Variants in SF3B3 observed in about 807,000 individuals in gnomAD.
SF3B3 encodes splicing factor 3b subunit 3.
A neutral mutation model predicts 139.2 loss-of-function variants in SF3B3; 33 were observed. The ratio of observed to expected loss-of-function variants is 0.24; its 90% CI spans 0.18 to 0.32. SF3B3 has a LOEUF of 0.32. Ranked by LOEUF, SF3B3 falls within the 10% of genes least tolerant of loss-of-function variation. The pLI is 1.00. For missense variants in SF3B3, 818 were observed against 1,509.4 expected (o/e 0.54, Z 7.59); for synonymous variants, 596 against 563.6 (o/e 1.06, Z -0.81).
At chr16:70,527,969 GT>G (rs2050080803) in intron 2 of SF3B3, among the ~76,000 whole-genome samples, 1 of 151,806 alleles carries the variant, frequency 6.6e-6, no homozygotes, top group African/African-American at 2.4e-5. Flanking sequence ...TAGAGATGAG[GT>G]TTCACCATAT....
intron 5 of SF3B3, 72 bp from the exon 6 acceptor site, chr16:70,535,232 AAGAG>A: frequency 3.0e-6 from 2 of 666,706 alleles, no homozygotes; most frequent in Non-Finnish European, 5.2e-6. Context: ...GTTGTGCTGA[AAGAG>A]AGGAGGAGTT....
chr16:70,541,117 G>T (rs561214373), intron 8 of SF3B3, among the ~76,000 whole-genome samples: 49 of 152,344 alleles, frequency 3.2e-4, no homozygotes, highest in Admixed American at 9.2e-4. Flanking sequence ...TTCCACGTTT[G>T]TGATTATAGC....
chr16:70,571,189 T>A lies in SF3B3; in HGVS notation c.3503T>A (p.Phe1168Tyr). The change falls in exon 25 of 26, where the codon TTC becomes TAC. Residue 1168 changes from phenylalanine (F) to tyrosine (Y), a missense_variant. By Grantham distance (22) the Phe-to-Tyr change is conservative. This residue lies in a region of SF3B3 where 44 missense variants were observed against 40.4 expected (regional missense o/e 1.09). Coordinates refer to ENST00000302516, the MANE Select transcript of SF3B3 (RefSeq NM_012426.5). Reference protein sequence around the residue: ...RDHLSFRSYYFPVKNVIDGDL... With the variant: ...RDHLSFRSYYYPVKNVIDGDL... ...CACCTCAGCTTTCGCTCCTACTACT[T>A]CCCTGTGAAGGTAGGTTGGGGGAAT... The A allele has an allele frequency of 6.2e-7, 1 of 1,608,724 alleles. No homozygotes were observed. Among genetic ancestry groups the A allele is most frequent in the Non-Finnish European group, 8.5e-7 (1 of 1,175,176 alleles).
intron 20 of SF3B3, among the ~76,000 whole-genome samples, chr16:70,566,683 A>AT (rs2050480232): frequency 6.6e-6 from 1 of 152,200 alleles, no homozygotes; most frequent in African/African-American, 2.4e-5. Context: ...CAACCCTACC[A>AT]TAAGGGGAGT....
chr16:70,533,550 G>A (rs1462269704), intron 5 of SF3B3, among the ~76,000 whole-genome samples: 2 of 152,094 alleles, frequency 1.3e-5, no homozygotes, highest in South Asian at 2.1e-4. Context: ...GCTAAGTAAC[G>A]TTTTTGGAGG....
Position 70,571,871 on chromosome 16 carries a change from A to C in SF3B3, c.*58A>C. 6.4e-7 allele frequency: 1 copy of C among 1,553,262 alleles called. No homozygotes were observed. The highest frequency in any genetic ancestry group is 8.7e-7 in the Non-Finnish European group (1 of 1,150,066). On this transcript the variant is annotated 3_prime_UTR_variant, in exon 26 of 26. Transcript: ENST00000302516. ...TGTGTGTTTTGTTTCCCCCACCACC[A>C]TCACTGCCACCTGGCTTCTGCCATG...
intron 3 of SF3B3, among the ~76,000 whole-genome samples, chr16:70,530,127 A>AAAATAAATAAATAAATAAATAAAT (rs148897352): frequency 7.5e-6 from 1 of 133,072 alleles, no homozygotes; most frequent in Non-Finnish European, 1.6e-5. Flanking sequence ...CTGCATCTCA[A>AAAATAAATAAATAAATAAATAAAT]AAATAAATAA....
At chr16:70,536,025 C>T (rs1459028061) in intron 6 of SF3B3, among the ~76,000 whole-genome samples, 1 of 152,122 alleles carries the variant, frequency 6.6e-6, no homozygotes, top group African/African-American at 2.4e-5. Context: ...TTGCCAATAT[C>T]ATACCCAAGA....
At chr16:70,554,987 G>C (rs1232292931) in intron 12 of SF3B3, 64 bp from the exon 13 acceptor site, 1 of 1,495,828 alleles carries the variant, frequency 6.7e-7, no homozygotes, top group East Asian at 2.3e-5. Flanking sequence ...TGATAGATGT[G>C]AGGGTCATTC....
intron 10 of SF3B3, 65 bp downstream of exon 10, chr16:70,544,598 G>A: frequency 1.1e-6 from 1 of 898,508 alleles, no homozygotes; most frequent in South Asian, 1.4e-5. Flanking sequence ...GTAGTTTATG[G>A]GTTTACTCTG....
intron 8 of SF3B3, among the ~76,000 whole-genome samples, chr16:70,540,246 GAGCTGGTCTCAAACCAGCTGGCCA>G (rs1006596027): frequency 2.0e-5 from 3 of 151,198 alleles, no homozygotes; most frequent in Non-Finnish European, 4.4e-5. Context: ...AGTACAAAAT[GAGCTGGTCTCAAACCAGCTGGCCA>G]AGCTGGTCTC....
chr16:70,569,985 T>C (rs1037777398), intron 23 of SF3B3, 21 bp from the exon 24 acceptor site: 1 of 1,613,464 alleles, frequency 6.2e-7, no homozygotes, highest in Non-Finnish European at 8.5e-7. Flanking sequence ...ACACAGTCAC[T>C]AGTCTGTTTG....
Position 70,539,274 on chromosome 16 carries a change from G to A in SF3B3, c.1067+67G>A, listed in dbSNP as rs1002955610. ...TAAAAGTTGGCAGCAGAAGCTGGGT[G>A]CAGTGGCTCACGGCCATAATCCTAG... On this transcript the variant is annotated intron_variant, in intron 8 of 25. Transcript: ENST00000302516. 3.6e-6 allele frequency: 4 copies of A among 1,120,428 alleles called. No individual in the cohort carries two copies. The African/African-American group carries it at 4.6e-5, about 13-fold the overall frequency. The allele number at this position is 1,120,428 out of a possible 1,614,324, so 69.4% of individuals were successfully genotyped here. A position where few individuals can be genotyped will look rare whatever the true frequency, so the allele number is the denominator to read the frequency against.
At chr16:70,532,935 C>G (rs997354406) in intron 5 of SF3B3, among the ~76,000 whole-genome samples, 2 of 152,186 alleles carry the variant, frequency 1.3e-5, no homozygotes, top group African/African-American at 4.8e-5. Flanking sequence ...GCCTCTCATT[C>G]AAACCTAACT....
intron 11 of SF3B3, among the ~76,000 whole-genome samples, chr16:70,551,301 C>G (rs2050322723): frequency 6.6e-6 from 1 of 152,150 alleles, no homozygotes; most frequent in African/African-American, 2.4e-5. Context: ...GAGGTATGAA[C>G]TATTGTTTTT....
intron 17 of SF3B3, 117 bp from the exon 18 acceptor site, chr16:70,563,759 A>G (rs779026168): frequency 2.2e-6 from 2 of 924,118 alleles, no homozygotes; most frequent in Non-Finnish European, 3.4e-6. Context: ...AATGTTGCCT[A>G]ATGCCAACGT....
Position 70,575,022 on chromosome 16 carries a change from A to G in SF3B3, c.*3209A>G, listed in dbSNP as rs2050564201. On this transcript the variant is annotated 3_prime_UTR_variant, in exon 26 of 26. Transcript: ENST00000302516. ...GATGGCTCTCGAGGACAAGATAGGG[A>G]CTCTTAAAACACCTGCTTGGCCATG... 1 of 151,882 alleles carries G rather than the reference A, an allele frequency of 6.6e-6. No individual in the cohort carries two copies. The highest frequency in any genetic ancestry group is 6.6e-5 in the Admixed American group (1 of 15,234). The allele number at this position is 151,882 out of a possible 1,614,324, so 9.4% of individuals were successfully genotyped here.
At position 70,573,707 on chromosome 16, in the gene SF3B3, C is replaced by T. The variant is rs951850678; in HGVS notation, c.*1894C>T. ...GACTCCTGTGGTTTGATTGAGCAAC[C>T]AGGTAAATAGAGACCTCTCTCCAGC... On this transcript the variant is annotated 3_prime_UTR_variant, in exon 26 of 26. Transcript: ENST00000302516. 3 of 152,166 alleles carry T rather than the reference C, an allele frequency of 2.0e-5. No individual in the cohort carries two copies. Among genetic ancestry groups the T allele is most frequent in the Admixed American group, 6.6e-5 (1 of 15,266 alleles). 9.4% of individuals were successfully genotyped at this position (152,166 alleles called of 1,614,324 possible). A position where few individuals can be genotyped will look rare whatever the true frequency, so the allele number is the denominator to read the frequency against.
chr16:70,560,613 C>G, intron 16 of SF3B3, 22 bp downstream of exon 16: 1 of 1,610,954 alleles, frequency 6.2e-7, no homozygotes, highest in South Asian at 1.1e-5. Flanking sequence ...AGGTTGGGGA[C>G]AGGCAACATC....
Sources: gnomAD v4.1 joint callset for allele counts (sites outside exome capture counted in the v4.1 genomes callset) on GRCh38, gnomAD v4.1.1 for gene constraint, gnomAD v4.1.1 regional missense constraint, MANE v1.5 for transcripts, NCBI Gene and HGNC (gene_info 2026-07-23, HGNC 2026-07-21) for gene names.